Variants in ENTHD1 observed in about 807,000 individuals in gnomAD.
ENTHD1 encodes the protein ENTH domain containing 1, also known as ENTH domain-containing protein 1.
Under a neutral mutation model 39.1 loss-of-function variants are expected in ENTHD1, and 23 were observed. The ratio of observed to expected loss-of-function variants is 0.59; its 90% CI spans 0.42 to 0.83. The LOEUF (loss-of-function observed/expected upper bound fraction) is 0.83, where lower values mean the gene tolerates loss of function less well. Ranked by LOEUF, ENTHD1 falls within the 40% of genes least tolerant of loss-of-function variation. The pLI, the probability that ENTHD1 is intolerant of heterozygous loss-of-function variation, is 0.00. For synonymous variants in ENTHD1, 230 were observed against 258.2 expected (o/e 0.89, Z 1.05); for missense variants, 624 against 705.4 (o/e 0.88, Z 1.31).
chr22:39,803,335 G>A (rs529503799), intron 5 of ENTHD1, among the ~76,000 whole-genome samples: 5 of 151,726 alleles, frequency 3.3e-5, no homozygotes, highest in African/African-American at 7.3e-5. Flanking sequence ...CATCCTTCTC[G>A]TCTCACCTCA....
chr22:39,814,295 CA>C (rs77915572), intron 5 of ENTHD1, among the ~76,000 whole-genome samples: 4,353 of 97,650 alleles, frequency 0.045, 205 homozygotes, highest in African/African-American at 0.13. Context: ...CCCATCTCTA[CA>C]AAAAAAAAAA....
intron 2 of ENTHD1, among the ~76,000 whole-genome samples, chr22:39,871,295 A>G (rs1364296494): frequency 2.0e-5 from 3 of 152,182 alleles, no homozygotes; most frequent in African/African-American, 7.2e-5. Flanking sequence ...TGAAAATAAT[A>G]AAAGTTAAAA....
intron 6 of ENTHD1, among the ~76,000 whole-genome samples, chr22:39,756,717 T>G (rs1601570915): frequency 1.3e-5 from 2 of 152,188 alleles, no homozygotes; most frequent in African/African-American, 4.8e-5. Context: ...CAGCAATGAC[T>G]GGAGGAAAAT....
At chr22:39,825,227 T>G (rs983994956) in intron 4 of ENTHD1, among the ~76,000 whole-genome samples, 4 of 152,244 alleles carry the variant, frequency 2.6e-5, no homozygotes, top group Admixed American at 6.5e-5. Context: ...GTATTTAAAT[T>G]TATACCTAAG....
chr22:39,869,722 T>C (rs1474031191), intron 2 of ENTHD1, among the ~76,000 whole-genome samples: 2 of 151,560 alleles, frequency 1.3e-5, no homozygotes, highest in Non-Finnish European at 2.9e-5. Context: ...ATGGAATCTA[T>C]ATTCTATGAT....
At chr22:39,832,942 G>C (rs986797199) in intron 4 of ENTHD1, among the ~76,000 whole-genome samples, 3 of 152,138 alleles carry the variant, frequency 2.0e-5, no homozygotes, top group African/African-American at 7.2e-5. Context: ...CTGGGACTCA[G>C]GCAGCTGTAC....
chr22:39,836,006 A>G (rs1287025913), intron 3 of ENTHD1, 48 bp from the exon 4 acceptor site: 4 of 1,377,528 alleles, frequency 2.9e-6, no homozygotes, highest in Non-Finnish European at 4.0e-6. Flanking sequence ...AAACACAGTT[A>G]TGTTTTTATA....
chr22:39,868,029 C>T (rs2066203432), intron 2 of ENTHD1, among the ~76,000 whole-genome samples: 1 of 151,870 alleles, frequency 6.6e-6, no homozygotes, highest in Non-Finnish European at 1.5e-5. Flanking sequence ...GTTAGGAAAC[C>T]ACAGCTGGTC....
intron 5 of ENTHD1, among the ~76,000 whole-genome samples, chr22:39,788,901 T>C (rs2065481549): frequency 6.6e-6 from 1 of 152,214 alleles, no homozygotes; most frequent in South Asian, 2.1e-4. Context: ...CAAAGTGTTT[T>C]TTAATTAAGG....
At chr22:39,868,100 A>T (rs77196438) in intron 2 of ENTHD1, among the ~76,000 whole-genome samples, 1 of 143,598 alleles carries the variant, frequency 7.0e-6, no homozygotes, top group African/African-American at 2.6e-5. Context: ...AAAGGAGAAG[A>T]AAAAAAAAAA....
chr22:39,747,836 C>T (rs191819922), intron 6 of ENTHD1, among the ~76,000 whole-genome samples: 31 of 152,156 alleles, frequency 2.0e-4, no homozygotes, highest in African/African-American at 4.8e-4. Flanking sequence ...TCTTCACACA[C>T]GAAAATAATA....
At chr22:39,777,460 A>C (rs1222751598) in intron 5 of ENTHD1, among the ~76,000 whole-genome samples, 1 of 152,164 alleles carries the variant, frequency 6.6e-6, no homozygotes, top group Non-Finnish European at 1.5e-5. Flanking sequence ...ATGACATATA[A>C]TTGTAGTGTA....
intron 6 of ENTHD1, among the ~76,000 whole-genome samples, chr22:39,753,898 G>C (rs1390421677): frequency 6.6e-6 from 1 of 152,092 alleles, no homozygotes; most frequent in African/African-American, 2.4e-5. Flanking sequence ...GCCTCACTGA[G>C]AGAACAGATG....
At chr22:39,790,781 C>G (rs990271937) in intron 5 of ENTHD1, among the ~76,000 whole-genome samples, 1 of 152,224 alleles carries the variant, frequency 6.6e-6, no homozygotes, top group Non-Finnish European at 1.5e-5. Flanking sequence ...TTCAAAGCCT[C>G]TCTCACTAGG....
intron 5 of ENTHD1, among the ~76,000 whole-genome samples, chr22:39,813,464 A>G (rs1220837357): frequency 6.6e-6 from 1 of 152,244 alleles, no homozygotes; most frequent in Non-Finnish European, 1.5e-5. Flanking sequence ...GGTTATTTTA[A>G]TATCTGGAAA....
chr22:39,866,942 G>A (rs1158734515), intron 2 of ENTHD1, among the ~76,000 whole-genome samples: 1 of 151,654 alleles, frequency 6.6e-6, no homozygotes, highest in East Asian at 1.9e-4. Flanking sequence ...TCGCTCTGTT[G>A]CCCAGGCTGG....
chr22:39,856,760 G>A (rs1601645776), intron 3 of ENTHD1, among the ~76,000 whole-genome samples: 2 of 151,592 alleles, frequency 1.3e-5, no homozygotes, highest in Admixed American at 1.3e-4. Context: ...GGCTAAGCCA[G>A]GAGGATTACT....
chr22:39,830,696 A>G (rs1407321170), intron 4 of ENTHD1, among the ~76,000 whole-genome samples: 4 of 152,208 alleles, frequency 2.6e-5, no homozygotes, highest in African/African-American at 4.8e-5. Context: ...AAATTTGTCA[A>G]TTGAAGATTC....
At chr22:39,872,593 A>G (rs1010280475) in intron 2 of ENTHD1, among the ~76,000 whole-genome samples, 2 of 152,224 alleles carry the variant, frequency 1.3e-5, no homozygotes, top group African/African-American at 4.8e-5. Flanking sequence ...TATCTCATCT[A>G]TAGCTTAAAG....
Sources: allele counts gnomAD v4.1 joint callset (sites outside exome capture counted in the v4.1 genomes callset), GRCh38; gene constraint gnomAD v4.1.1; transcripts MANE v1.5; gene names NCBI Gene and HGNC (gene_info 2026-07-23, HGNC 2026-07-21).